The following UNC13D variants were observed in gnomAD, a reference collection of about 807,000 sequenced individuals.
UNC13D encodes the protein unc-13 homolog D.
In UNC13D, 115 loss-of-function variants were observed where a neutral mutation model predicts 151.7. That is an observed-to-expected ratio of 0.76 (90% CI 0.65 to 0.88). The LOEUF (loss-of-function observed/expected upper bound fraction) is 0.88. Among genes scored for constraint, UNC13D ranks in the 40% least tolerant of loss-of-function variants. The probability of loss-of-function intolerance (pLI) is 0.00; values close to 1 mark genes in which losing one functional copy is unlikely to be tolerated. For synonymous variants in UNC13D, 588 were observed against 612.2 expected, an observed-to-expected ratio of 0.96 and a Z score of 0.58; for missense variants, 1,369 against 1,438.7, an observed-to-expected ratio of 0.95 and a Z score of 0.78.
rs546318783 is a variant in UNC13D, at chr17:75,838,019, T to G, written c.1056-1101A>C. 1.4e-4 allele frequency among the ~76,000 whole-genome samples: 21 copies of G among 152,108 alleles called. No individual in the cohort carries two copies. In the South Asian group the frequency reaches 3.9e-3, roughly 29 times the overall value. On this transcript the variant is annotated intron_variant, in intron 12 of 31. Coordinates refer to ENST00000207549, the MANE Select transcript of UNC13D (RefSeq NM_199242.3). ...TCCCCATCTGGTGCCTGCTCCAGTC[T>G]CCAGCCGCACCACCATTCCACCCTT...
At position 75,830,548 on chromosome 17, in the gene UNC13D, A is replaced by G. The variant is rs1458776185; in HGVS notation, c.2709+30T>C. ...GGGAGCGGGGTGCTCCAGGGCCTGCAGAGGGCGCAGTGCGAGGGAGGGGCC... is the reference window on the plus strand; with the variant it reads ...GGGAGCGGGGTGCTCCAGGGCCTGCGGAGGGCGCAGTGCGAGGGAGGGGCC... On this transcript the variant is annotated intron_variant, in intron 28 of 31. Coordinates refer to ENST00000207549, the MANE Select transcript of UNC13D (RefSeq NM_199242.3). The G allele has an allele frequency of 2.5e-6, 4 of 1,570,628 alleles. No individual in the cohort carries two copies. In the Admixed American group the frequency reaches 5.6e-5, roughly 22 times the overall value.
intron 29 of UNC13D, 96 bp from the exon 30 acceptor site, chr17:75,830,247 T>A: frequency 6.4e-7 from 1 of 1,554,234 alleles, no homozygotes; most frequent in Non-Finnish European, 8.7e-7. Context: ...CCCCTCCTGG[T>A]AACTGGAGGA....
At position 75,842,591 on chromosome 17, in the gene UNC13D, C is replaced by G. The variant is rs1455305366; in HGVS notation, c.411G>C (p.Leu137=). 1.2e-6 allele frequency: 2 copies of G among 1,611,738 alleles called. No homozygotes were observed. Among genetic ancestry groups the G allele is most frequent in the African/African-American group, 1.3e-5 (1 of 74,932 alleles). ...CACCTACCCCCTGCTCAATGCCCAG[C>G]AGGCAGTAGGGGTCGCTGAACCCTG... The part of the protein sequence containing the change: ...DVSGFSDPYC[L]LGIEQGVGVP... Residue 137 remains leucine (L), a synonymous_variant, in exon 6 of 32, where the codon CTG becomes CTC. Coordinates refer to ENST00000207549, the MANE Select transcript of UNC13D (RefSeq NM_199242.3).
rs781700894 is a variant in UNC13D at position 75,840,353 on chromosome 17, C to T, written c.754-24G>A. ...TCCTGACAGGCGGGGATGCCCAGCC[C>T]GTGAGCGTCAGAACCTCATAGAGTC... On this transcript the variant is annotated intron_variant, in intron 9 of 31. Coordinates refer to ENST00000207549, the MANE Select transcript of UNC13D (RefSeq NM_199242.3). The surrounding 1 kb of genome is among the most constrained non-coding windows in gnomAD (Gnocchi z 4.6). 35 of 1,611,682 alleles carry T rather than the reference C, an allele frequency of 2.2e-5. No individual in the cohort carries two copies. Among genetic ancestry groups the T allele is most frequent in the Admixed American group, 2.0e-4 (12 of 59,888 alleles).
Position 75,834,066 on chromosome 17 carries a change from G to A in UNC13D, c.2367+9C>T, listed in dbSNP as rs1403737418. 3.1e-6 allele frequency: 5 copies of A among 1,613,474 alleles called. No homozygotes were observed. Among genetic ancestry groups the A allele is most frequent in the Admixed American group, 1.7e-5 (1 of 59,992 alleles). ...GTGGTGAAGGCCAGCAGGCAGAAGG[G>A]CCACTTACATCCTCAGGCAGGACAG... On this transcript the variant is annotated intron_variant, in intron 24 of 31. Transcript: ENST00000207549.
At position 75,830,080 on chromosome 17, in the gene UNC13D, T is replaced by A. The variant is rs2064859075; in HGVS notation, c.2902A>T (p.Thr968Ser). 2 of 1,578,550 alleles carry A rather than the reference T, an allele frequency of 1.3e-6. No homozygotes were observed. Among genetic ancestry groups the A allele is most frequent in the Non-Finnish European group, 1.7e-6 (2 of 1,162,210 alleles). The change falls in exon 30 of 32, where the codon ACC becomes TCC. Residue 968 changes from threonine to serine, a missense_variant. Physicochemically the swap from Thr to Ser is moderately conservative, Grantham distance 58. This residue lies in a region of UNC13D where 807 missense variants were observed against 795.5 expected (regional missense o/e 1.01). Transcript: ENST00000207549. Reference protein sequence around the residue: ...HEFPELAARETQKHKKDLHPL... With the variant: ...HEFPELAARESQKHKKDLHPL... ...TGAAGGTCCTTCTTGTGCTTCTGGGTCTCCCGGGCGGCCAGCTCAGGGAAC... is the reference window on the plus strand; with the variant it reads ...TGAAGGTCCTTCTTGTGCTTCTGGGACTCCCGGGCGGCCAGCTCAGGGAAC...
Position 75,843,180 on chromosome 17 carries a change from C to T in UNC13D, c.240G>A (p.Glu80=), listed in dbSNP as rs1217188673. The part of the protein sequence containing the change: ...PEPNHVTEAS[E]LLRYLQEAFH... ...TCACCTCCTGCAGGTATCGCAGCAG[C>T]TCAGAGGCCTCCGTCACATGGTTGG... Residue 80 remains glutamate (E), a synonymous_variant, in exon 3 of 32, where the codon GAG becomes GAA. Transcript: ENST00000207549. The T allele has an allele frequency of 4.3e-6, 7 of 1,612,176 alleles. No homozygotes were observed. The Admixed American group carries it at 8.3e-5, about 19-fold the overall frequency.
intron 31 of UNC13D, among the ~76,000 whole-genome samples, 180 bp from the exon 32 acceptor site, chr17:75,828,266 C>T (rs1357540270): frequency 6.6e-6 from 1 of 152,172 alleles, no homozygotes; most frequent in Non-Finnish European, 1.5e-5. Context: ...CGCATCCGGT[C>T]GGGTCGCGTA....
At position 75,827,366 on chromosome 17, in the gene UNC13D, C is replaced by T. The variant is rs932692482; in HGVS notation, c.*599G>A. ...TCTGCTTCCGTCTGTCTGTGCCAGC[C>T]CTGCCGCCTGCCAGCTCTTGCTCCC... On this transcript the variant is annotated 3_prime_UTR_variant, in exon 32 of 32. Transcript: ENST00000207549. 3.9e-6 allele frequency: 5 copies of T among 1,285,842 alleles called. No individual in the cohort carries two copies. In the African/African-American group the frequency reaches 6.0e-5, roughly 15 times the overall value. The allele number at this position is 1,285,842 out of a possible 1,614,324, so 79.7% of individuals were successfully genotyped here.
intron 30 of UNC13D, 41 bp from the exon 31 acceptor site, chr17:75,829,024 G>A (rs1451775658): frequency 6.3e-7 from 1 of 1,589,780 alleles, no homozygotes; most frequent in South Asian, 1.1e-5. Flanking sequence ...CCCCAGCACA[G>A]CCACCCCAGC....
chr17:75,828,136 CTGG>C, intron 31 of UNC13D, 50 bp from the exon 32 acceptor site: 1 of 1,553,382 alleles, frequency 6.4e-7, no homozygotes, highest in Non-Finnish European at 8.7e-7. Flanking sequence ...AGGGCAGTGC[CTGG>C]TGGTGGCAGA....
chr17:75,835,457 C>T lies in UNC13D; in HGVS notation c.1800G>A (p.Thr600=), dbSNP rs751827268. The T allele has an allele frequency of 1.6e-5, 26 of 1,612,832 alleles. No homozygotes were observed. Among genetic ancestry groups the T allele is most frequent in the South Asian group, 8.8e-5 (8 of 91,030 alleles). The change falls in exon 20 of 32, where the codon ACG becomes ACA. Residue 600 remains threonine, a synonymous_variant. Transcript: ENST00000207549. ...QPAIPSWLQK[T]YNEALARVQR... is the part of the protein sequence containing the mutation. ...GCACCCGCGCCAGGGCCTCGTTGTA[C>T]GTCTTCTGCAGCCAGGAGGGGATGG...
At position 75,834,102 on chromosome 17, in the gene UNC13D, G is replaced by A. The variant is rs556654678; in HGVS notation, c.2340C>T (p.Gly780=). ...CCTCAGGCAGGACAGACTCCCTGAC[G>A]CCCACCAGTTTCTGGATGTGCTTGG... ...GIAKHIQKLV[G]VRESVLPEDA... Residue 780 remains glycine (G), a synonymous_variant, in exon 24 of 32, where the codon GGC becomes GGT. Coordinates refer to ENST00000207549, the MANE Select transcript of UNC13D (RefSeq NM_199242.3). 1.1e-5 allele frequency: 18 copies of A among 1,613,756 alleles called. No individual in the cohort carries two copies. Among genetic ancestry groups the A allele is most frequent in the Admixed American group, 6.7e-5 (4 of 60,024 alleles).
rs1323307394 is a variant in UNC13D at position 75,843,243 on chromosome 17, T to C, written c.177A>G (p.Ala59=). The C allele has an allele frequency of 1.2e-6, 2 of 1,609,016 alleles. No individual in the cohort carries two copies. The highest frequency in any genetic ancestry group is 2.2e-5 in the South Asian group (2 of 91,058). ...CCAGGCGGTGCAAGACAGTGTAGAG[T>C]GCGTCCTCGTAGAGCAGGGCCCGCT... ...PEQRALLYED[A]LYTVLHRLGH... is the part of the protein sequence containing the mutation. Residue 59 remains alanine, a synonymous_variant, in exon 3 of 32, where the codon GCA becomes GCG. Coordinates refer to ENST00000207549, the MANE Select transcript of UNC13D (RefSeq NM_199242.3).
chr17:75,840,625 G>C lies in UNC13D; in HGVS notation c.684-49C>G. 6.2e-7 allele frequency: 1 copy of C among 1,613,214 alleles called. No homozygotes were observed. The highest frequency in any genetic ancestry group is 2.2e-5 in the East Asian group (1 of 44,882). On this transcript the variant is annotated intron_variant, in intron 8 of 31. Coordinates refer to ENST00000207549, the MANE Select transcript of UNC13D (RefSeq NM_199242.3). The surrounding 1 kb of genome is among the most constrained non-coding windows in gnomAD (Gnocchi z 4.6). ...GGGGGACGCAGCAAGGGTCGGAAGG[G>C]ATTAGGCTGGAATCCACCCCCGGCC...
intron 30 of UNC13D, among the ~76,000 whole-genome samples, chr17:75,829,382 G>C (rs111365807): frequency 0.12 from 17,853 of 151,998 alleles, 1,152 homozygotes; most frequent in East Asian, 0.15. Flanking sequence ...TACAACCTCC[G>C]CCTCCCGGGT....
At position 75,836,246 on chromosome 17, in the gene UNC13D, G is replaced by T. The variant is rs2064908063; in HGVS notation, c.1400C>A (p.Thr467Asn). ...CTGCTGCTTCAGGTGGAACCATTCA[G>T]TGGTGCCAGTCTGTCGACAAAGAGG... ...LVTEALQTGT[T>N]EWFHLKQQHH... Residue 467 changes from threonine to asparagine, a missense_variant, in exon 16 of 32, where the codon ACT becomes AAT. Coordinates refer to ENST00000207549, the MANE Select transcript of UNC13D (RefSeq NM_199242.3). 1 of 1,612,728 alleles carries T rather than the reference G, an allele frequency of 6.2e-7. No homozygotes were observed. Among genetic ancestry groups the T allele is most frequent in the Non-Finnish European group, 8.5e-7 (1 of 1,179,670 alleles).
At position 75,833,117 on chromosome 17, in the gene UNC13D, C is replaced by T. The variant is rs1273485496; in HGVS notation, c.2368-72G>A. 1.4e-6 allele frequency: 2 copies of T among 1,466,648 alleles called. No individual in the cohort carries two copies. Among genetic ancestry groups the T allele is most frequent in the Admixed American group, 2.0e-5 (1 of 50,652 alleles). The allele number at this position is 1,466,648 out of a possible 1,614,324, so 90.9% of individuals were successfully genotyped here. A position where few individuals can be genotyped will look rare whatever the true frequency, so the allele number is the denominator to read the frequency against. On this transcript the variant is annotated intron_variant, in intron 24 of 31. Coordinates refer to ENST00000207549, the MANE Select transcript of UNC13D (RefSeq NM_199242.3). This position sits in a 1 kb window ranked among gnomAD's most constrained non-coding sequence, Gnocchi z 4.0. ...CCCACCCCCATCCCCTTCCCCTGACCTGGAGGGAGGAAACAGGGCTGGGAA... is the reference window on the plus strand; with the variant it reads ...CCCACCCCCATCCCCTTCCCCTGACTTGGAGGGAGGAAACAGGGCTGGGAA...
At position 75,836,086 on chromosome 17, in the gene UNC13D, GGCCTT is replaced by G; in HGVS notation, c.1465_1469del (p.Lys489LeufsTer56). On this transcript the variant is annotated frameshift_variant, in exon 17 of 32. Transcript: ENST00000207549. LOFTEE classifies it high-confidence loss of function. ...TGACATCCTGTACCAGGCCCAGCAAGGCCTTGCCTGCCTCCGGGATGCCCTGCAGA... is the reference window on the plus strand; with the variant it reads ...TGACATCCTGTACCAGGCCCAGCAAGGCCTGCCTCCGGGATGCCCTGCAGA... The G allele has an allele frequency of 6.2e-7, 1 of 1,613,602 alleles. No individual in the cohort carries two copies. The highest frequency in any genetic ancestry group is 8.5e-7 in the Non-Finnish European group (1 of 1,180,034).
Sources: gnomAD v4.1 joint callset for allele counts (sites outside exome capture counted in the v4.1 genomes callset) on GRCh38, gnomAD v4.1.1 for gene constraint, gnomAD v4.1.1 regional missense constraint, Gnocchi (gnomAD v3.1) non-coding constraint, MANE v1.5 for transcripts, NCBI Gene and HGNC (gene_info 2026-07-23, HGNC 2026-07-21) for gene names.